The following CDH13 variants were observed in gnomAD, a reference collection of about 807,000 sequenced individuals.
The protein encoded by CDH13 is cadherin 13.
Under a neutral mutation model 63.8 loss-of-function variants are expected in CDH13, and 24 were observed. The observed-to-expected ratio is 0.38, with a 90% confidence interval of 0.27 to 0.53. CDH13 has a LOEUF of 0.53. Ranked by LOEUF, CDH13 falls within the 20% of genes least tolerant of loss-of-function variation. The pLI, the probability that CDH13 is intolerant of heterozygous loss-of-function variation, is 0.85. For missense variants in CDH13, 1,049 were observed against 903.1 expected (o/e 1.16, Z -2.07); for synonymous variants, 503 against 355.3 (o/e 1.42, Z -4.67).
At chr16:83,445,942 T>C (rs1340802741) in intron 6 of CDH13, among the ~76,000 whole-genome samples, 1 of 152,122 alleles carries the variant, frequency 6.6e-6, no homozygotes, top group Non-Finnish European at 1.5e-5. Flanking sequence ...AAAAGGCAAC[T>C]AAAAGATTTC....
At position 82,910,400 on chromosome 16, in the gene CDH13, A is replaced by G. The variant is rs550216301; in HGVS notation, c.157+51927A>G. On this transcript the variant is annotated intron_variant, in intron 2 of 13. Coordinates refer to ENST00000567109, the MANE Select transcript of CDH13 (RefSeq NM_001257.5). ...TAAATTGCTTTTAAAGTACCTTCTT[A>G]TCCCTCCAGCCCCTACCTTTTGTCC... Among the ~76,000 whole-genome samples the G allele has an allele frequency of 2.6e-5, 4 of 152,276 alleles. No homozygotes were observed. In the East Asian group the frequency reaches 7.7e-4, roughly 29 times the overall value.
At chr16:83,310,377 A>G (rs2089973096) in intron 5 of CDH13, among the ~76,000 whole-genome samples, 2 of 152,214 alleles carry the variant, frequency 1.3e-5, no homozygotes, top group South Asian at 4.1e-4. Flanking sequence ...GAAATAGTAA[A>G]GATCTGAAAA....
At chr16:83,050,837 A>G (rs1251464672) in intron 3 of CDH13, among the ~76,000 whole-genome samples, 2 of 152,026 alleles carry the variant, frequency 1.3e-5, no homozygotes, top group African/African-American at 2.4e-5. Context: ...TCCTAAGTGC[A>G]CGGTTTCTTG....
intron 12 of CDH13, 60 bp from the exon 13 acceptor site, chr16:83,783,194 T>C: frequency 6.0e-6 from 7 of 1,173,310 alleles, no homozygotes; most frequent in East Asian, 2.5e-5. Context: ...CACCAAAACC[T>C]CACTCTTTTA....
chr16:83,521,373 A>G (rs2074832341), intron 7 of CDH13, among the ~76,000 whole-genome samples: 1 of 152,146 alleles, frequency 6.6e-6, no homozygotes, highest in Non-Finnish European at 1.5e-5. Flanking sequence ...AAAAACCAAT[A>G]ATGGAAAAAA....
chr16:83,150,668 G>T (rs977228680), intron 4 of CDH13, among the ~76,000 whole-genome samples: 2 of 152,030 alleles, frequency 1.3e-5, no homozygotes, highest in Admixed American at 6.6e-5. Flanking sequence ...TATACTTTTT[G>T]TTGTCTTACC....
chr16:83,394,229 C>T (rs1347541456), intron 6 of CDH13, among the ~76,000 whole-genome samples: 1 of 151,720 alleles, frequency 6.6e-6, no homozygotes, highest in African/African-American at 2.4e-5. Flanking sequence ...TGCACATGTA[C>T]CCCTGAACCT....
chr16:83,155,485 G>A (rs1394167899), intron 4 of CDH13, among the ~76,000 whole-genome samples: 2 of 152,116 alleles, frequency 1.3e-5, no homozygotes, highest in Non-Finnish European at 2.9e-5. Flanking sequence ...TGCCTTTCTT[G>A]GTCCATCTTT....
At chr16:83,364,358 G>T (rs777605088) in intron 6 of CDH13, among the ~76,000 whole-genome samples, 4 of 152,104 alleles carry the variant, frequency 2.6e-5, no homozygotes, top group Non-Finnish European at 4.4e-5. Context: ...TAACTGTACT[G>T]TGCAAGATAC....
chr16:82,896,739 G>T (rs1241317104), intron 2 of CDH13, among the ~76,000 whole-genome samples: 2 of 142,776 alleles, frequency 1.4e-5, no homozygotes, highest in East Asian at 4.5e-4. Context: ...AAGAAAGATT[G>T]AGTGGAATTA....
chr16:83,655,196 G>A (rs1163271269), intron 8 of CDH13: 3 of 152,196 alleles, frequency 2.0e-5, no homozygotes, highest in African/African-American at 7.2e-5. Flanking sequence ...CATCCTTTGT[G>A]TCTGTCTGAT....
intron 7 of CDH13, among the ~76,000 whole-genome samples, chr16:83,597,155 C>T (rs548821122): frequency 6.6e-6 from 1 of 152,066 alleles, no homozygotes; most frequent in South Asian, 2.1e-4. Context: ...CCTGGGAGGT[C>T]GAGGCTGCAG....
chr16:83,280,564 G>A (rs2089139192), intron 5 of CDH13, among the ~76,000 whole-genome samples: 1 of 152,272 alleles, frequency 6.6e-6, no homozygotes, highest in South Asian at 2.1e-4. Flanking sequence ...TGATATTTTG[G>A]CCTCTTATCA....
chr16:82,877,358 G>C (rs931920307), intron 2 of CDH13, among the ~76,000 whole-genome samples: 9 of 152,184 alleles, frequency 5.9e-5, no homozygotes, highest in Admixed American at 3.9e-4. Flanking sequence ...CAGTGAAATT[G>C]TTCCTGGTTT....
At chr16:82,815,054 T>C (rs527776863) in intron 1 of CDH13, among the ~76,000 whole-genome samples, 1 of 152,276 alleles carries the variant, frequency 6.6e-6, no homozygotes, top group African/African-American at 2.4e-5. Context: ...GCTTATTTAA[T>C]AAATATCTCA....
At chr16:83,269,840 G>T (rs2151844443) in intron 5 of CDH13, among the ~76,000 whole-genome samples, 2 of 152,238 alleles carry the variant, frequency 1.3e-5, no homozygotes, top group Middle Eastern at 3.4e-3. Context: ...AATCCCTTCT[G>T]CACTTTGGGG....
At chr16:83,063,662 A>G (rs1334696292) in intron 3 of CDH13, among the ~76,000 whole-genome samples, 3 of 152,332 alleles carry the variant, frequency 2.0e-5, no homozygotes, top group Middle Eastern at 3.4e-3. Flanking sequence ...TAATTACTCT[A>G]TGAACAAATT....
intron 6 of CDH13, among the ~76,000 whole-genome samples, chr16:83,354,913 C>T (rs2091023713): frequency 2.0e-5 from 3 of 152,212 alleles, no homozygotes; most frequent in South Asian, 2.1e-4. Flanking sequence ...TGGCTGCTTT[C>T]GCACCATATT....
At chr16:83,390,447 T>G (rs191583536) in intron 6 of CDH13, among the ~76,000 whole-genome samples, 1 of 132,572 alleles carries the variant, frequency 7.5e-6, no homozygotes, top group Admixed American at 7.2e-5. Context: ...CCATTTCTAT[T>G]TACAAATACT....
Sources: allele counts gnomAD v4.1 joint callset (sites outside exome capture counted in the v4.1 genomes callset), GRCh38; gene constraint gnomAD v4.1.1; transcripts MANE v1.5; gene names NCBI Gene and HGNC (gene_info 2026-07-23, HGNC 2026-07-21).